MKLN1: variants seen among roughly 807,000 people sequenced by gnomAD.
MKLN1 encodes muskelin.
Under a neutral mutation model 99.0 loss-of-function variants are expected in MKLN1, and 18 were observed. The ratio of observed to expected loss-of-function variants is 0.18; its 90% CI spans 0.13 to 0.27. The LOEUF (loss-of-function observed/expected upper bound fraction) is 0.27, where lower values mean the gene tolerates loss of function less well. Among genes scored for constraint, MKLN1 ranks in the 10% least tolerant of loss-of-function variants. The pLI, the probability that MKLN1 is intolerant of heterozygous loss-of-function variation, is 1.00. For missense variants in MKLN1, 621 were observed against 875.9 expected (o/e 0.71, Z 3.67); for synonymous variants, 288 against 293.2 (o/e 0.98, Z 0.18).
chr7:131,356,538 C>T lies in MKLN1; in HGVS notation c.99-18886C>T, dbSNP rs370603376. On this transcript the variant is annotated intron_variant, in intron 1 of 17. Transcript: ENST00000352689. Reference sequence around the variant, plus strand: ...TGCTGACAGAGGGGCAGTGGTGGTTCTATGGGTCTTGGCCTCTTGCTAGCT... The same window carrying T: ...TGCTGACAGAGGGGCAGTGGTGGTTTTATGGGTCTTGGCCTCTTGCTAGCT... Among the ~76,000 whole-genome samples, 22 of 152,232 alleles carry T rather than the reference C, an allele frequency of 1.4e-4. No individual in the cohort carries two copies. In the East Asian group the frequency reaches 4.2e-3, roughly 29 times the overall value.
At chr7:131,468,597 T>C (rs1329317503) in intron 15 of MKLN1, among the ~76,000 whole-genome samples, 1 of 152,182 alleles carries the variant, frequency 6.6e-6, no homozygotes, top group African/African-American at 2.4e-5. Context: ...ATAAATAAAA[T>C]ACCACTATTA....
chr7:131,443,719 C>G lies in MKLN1; in HGVS notation c.1395+17C>G. On this transcript the variant is annotated intron_variant, in intron 11 of 17. Transcript: ENST00000352689. ...TTCCACTCAGTAAGAACATTCCGTA[C>G]ATTGCGTAAATGTTATTTTGTCATG... 6.6e-7 allele frequency: 1 copy of G among 1,515,962 alleles called. No individual in the cohort carries two copies. The highest frequency in any genetic ancestry group is 9.2e-7 in the Non-Finnish European group (1 of 1,090,896). 93.9% of individuals were successfully genotyped at this position (1,515,962 alleles called of 1,614,324 possible). A position where few individuals can be genotyped will look rare whatever the true frequency, so the allele number is the denominator to read the frequency against.
chr7:131,405,784 A>G (rs1794685991), intron 6 of MKLN1, among the ~76,000 whole-genome samples: 6 of 152,136 alleles, frequency 3.9e-5, no homozygotes. Context: ...GCCAGAGTGC[A>G]TATCCTGTAT....
At chr7:131,247,542 C>T (rs538591313) in intron 3 of MKLN1, among the ~76,000 whole-genome samples, 19 of 152,084 alleles carry the variant, frequency 1.2e-4, no homozygotes, top group African/African-American at 4.6e-4. Context: ...TGTGAAGGTG[C>T]TTGTGATTTC....
At chr7:131,416,504 A>G (rs964431018) in intron 8 of MKLN1, among the ~76,000 whole-genome samples, 4 of 150,722 alleles carry the variant, frequency 2.7e-5, no homozygotes, top group Admixed American at 6.7e-5. Context: ...TAAAGTTATA[A>G]AGGCCTAGGT....
At chr7:131,123,341 T>G (rs6467350) in intron 1 of MKLN1, among the ~76,000 whole-genome samples, 85,679 of 152,122 alleles carry the variant, frequency 0.56, 25,704 homozygotes, top group East Asian at 0.85. Flanking sequence ...ATTCTGCCAT[T>G]GTAGTGCAAA....
At chr7:131,245,813 T>C (rs531440974) in intron 3 of MKLN1, among the ~76,000 whole-genome samples, 16 of 152,180 alleles carry the variant, frequency 1.1e-4, no homozygotes, top group Admixed American at 7.2e-4. Context: ...TAACAATGCA[T>C]TTCTCAGAAC....
At chr7:131,113,006 G>T (rs953621854) in intron 1 of MKLN1, among the ~76,000 whole-genome samples, 3 of 152,158 alleles carry the variant, frequency 2.0e-5, no homozygotes, top group African/African-American at 2.4e-5. Flanking sequence ...TGTGTGTCAG[G>T]TACTGTGCTG....
chr7:131,419,647 T>C (rs1263001916), intron 8 of MKLN1, among the ~76,000 whole-genome samples: 2 of 152,214 alleles, frequency 1.3e-5, no homozygotes, highest in Non-Finnish European at 2.9e-5. Flanking sequence ...ACAGGTGATA[T>C]TCATTATTGA....
At chr7:131,420,865 A>G (rs1795170671) in intron 8 of MKLN1, among the ~76,000 whole-genome samples, 1 of 152,198 alleles carries the variant, frequency 6.6e-6, no homozygotes, top group African/African-American at 2.4e-5. Context: ...AAGTTTTAAA[A>G]TTCATTTTCC....
chr7:131,310,947 T>C (rs1182349492), intron 3 of MKLN1, among the ~76,000 whole-genome samples: 1 of 150,834 alleles, frequency 6.6e-6, no homozygotes, highest in South Asian at 2.1e-4. Context: ...TATAAATAAA[T>C]AGCTCAAGGA....
chr7:131,426,346 G>A (rs1322773301), intron 8 of MKLN1, among the ~76,000 whole-genome samples: 1 of 152,154 alleles, frequency 6.6e-6, no homozygotes, highest in Non-Finnish European at 1.5e-5. Context: ...TGCTATTTTA[G>A]TTATATACCC....
Position 131,159,641 on chromosome 7 carries a change from A to G in MKLN1, c.-297+16700A>G, listed in dbSNP as rs530060065. ...TAGAATTAGATAGTAGAAATAAATT[A>G]TAGTATTCAGCAGTACAGTAGGGAA... is the stretch of plus-strand genomic sequence containing the variant. On this transcript the variant is annotated intron_variant, in intron 2 of 7. Coordinates refer to the MKLN1 transcript ENST00000416992. Among the ~76,000 whole-genome samples, 8 of 152,294 alleles carry G rather than the reference A, an allele frequency of 5.3e-5. No individual in the cohort carries two copies. In the South Asian group the frequency reaches 1.7e-3, roughly 32 times the overall value.
chr7:131,311,483 A>T (rs2116639229), intron 3 of MKLN1, among the ~76,000 whole-genome samples: 1 of 152,192 alleles, frequency 6.6e-6, no homozygotes, highest in East Asian at 1.9e-4. Flanking sequence ...ACTCAAAGAA[A>T]GTTAAACACC....
At chr7:131,297,248 C>G (rs1798304416) in intron 3 of MKLN1, among the ~76,000 whole-genome samples, 1 of 151,988 alleles carries the variant, frequency 6.6e-6, no homozygotes, top group Non-Finnish European at 1.5e-5. Flanking sequence ...GTAGTTCCCG[C>G]TACTTGGGAG....
intron 2 of MKLN1, among the ~76,000 whole-genome samples, chr7:131,170,988 C>T (rs908367820): frequency 6.6e-6 from 1 of 152,164 alleles, no homozygotes; most frequent in Non-Finnish European, 1.5e-5. Context: ...GTTCTAAATG[C>T]TGCAAAAGAT....
intron 3 of MKLN1, among the ~76,000 whole-genome samples, chr7:131,227,670 A>G (rs1797178101): frequency 6.6e-6 from 1 of 151,348 alleles, no homozygotes; most frequent in Non-Finnish European, 1.5e-5. Flanking sequence ...GGTTCAAGCA[A>G]TTCTCCTGCC....
chr7:131,394,862 C>G (rs1794310528), intron 4 of MKLN1, among the ~76,000 whole-genome samples: 1 of 151,978 alleles, frequency 6.6e-6, no homozygotes, highest in African/African-American at 2.4e-5. Flanking sequence ...ACTGGTCTAT[C>G]TTGGACTTTT....
chr7:131,126,350 G>A (rs1795457463), intron 1 of MKLN1, among the ~76,000 whole-genome samples: 2 of 152,138 alleles, frequency 1.3e-5, no homozygotes, highest in African/African-American at 2.4e-5. Context: ...AGGAAGGATA[G>A]TACCATTGAA....
Sources: allele counts gnomAD v4.1 joint callset (sites outside exome capture counted in the v4.1 genomes callset), GRCh38; gene constraint gnomAD v4.1.1; transcripts MANE v1.5; gene names NCBI Gene and HGNC (gene_info 2026-07-23, HGNC 2026-07-21).